The following DAB1 variants were observed in gnomAD, a reference collection of about 807,000 sequenced individuals.
DAB1 encodes DAB adaptor protein 1.
DAB1 carries 15 observed loss-of-function variants against 64.6 expected under a neutral mutation model. The ratio of observed to expected loss-of-function variants is 0.23; its 90% CI spans 0.16 to 0.36. The LOEUF (loss-of-function observed/expected upper bound fraction) is 0.36. DAB1 is among the 10% of genes least tolerant of loss of function. DAB1 has a pLI of 1.00. For missense variants in DAB1, 596 were observed against 706.7 expected (o/e 0.84, Z 1.78); for synonymous variants, 235 against 251.9 (o/e 0.93, Z 0.64).
intron 1 of DAB1, chr1:57,306,811 C>T (rs1489853071): frequency 1.3e-5 from 2 of 152,116 alleles, no homozygotes; most frequent in Admixed American, 6.5e-5. Flanking sequence ...ATTAATGATA[C>T]GACCATGGCA....
intron 6 of DAB1, among the ~76,000 whole-genome samples, chr1:57,818,664 C>T (rs954999417): frequency 1.3e-5 from 2 of 151,624 alleles, no homozygotes; most frequent in African/African-American, 4.8e-5. Flanking sequence ...GCAGGTGAAA[C>T]GGAAGTTGCC....
intron 6 of DAB1, among the ~76,000 whole-genome samples, chr1:57,691,971 C>CG (rs1646770030): frequency 6.6e-6 from 1 of 152,034 alleles, no homozygotes; most frequent in South Asian, 2.1e-4. Context: ...CTCTAACAAC[C>CG]CCCAACTCTT....
intron 4 of DAB1, among the ~76,000 whole-genome samples, chr1:58,187,154 T>C (rs1657123600): frequency 6.6e-6 from 1 of 152,088 alleles, no homozygotes; most frequent in South Asian, 2.1e-4. Context: ...TGATGAAAGA[T>C]TAATCCACTT....
chr1:57,231,359 GTTAC>G (rs1378001603), intron 2 of DAB1, among the ~76,000 whole-genome samples: 1 of 152,110 alleles, frequency 6.6e-6, no homozygotes, highest in Non-Finnish European at 1.5e-5. Flanking sequence ...ATACTGTATT[GTTAC>G]TTACTGGTTT....
intron 5 of DAB1, among the ~76,000 whole-genome samples, chr1:58,140,371 G>T (rs572011119): frequency 6.6e-6 from 1 of 152,178 alleles, no homozygotes; most frequent in Non-Finnish European, 1.5e-5. Flanking sequence ...TGCTTGGCAA[G>T]TGCTGGCATT....
At chr1:57,618,784 A>G (rs993524615) in intron 7 of DAB1, among the ~76,000 whole-genome samples, 2 of 152,136 alleles carry the variant, frequency 1.3e-5, no homozygotes, top group Admixed American at 6.5e-5. Flanking sequence ...ACACATGTAT[A>G]TATGTGTGAG....
chr1:57,780,634 G>C (rs867870763), intron 6 of DAB1, among the ~76,000 whole-genome samples: 4 of 152,034 alleles, frequency 2.6e-5, no homozygotes, highest in Middle Eastern at 3.4e-3. Flanking sequence ...TCAATATTTT[G>C]AAAAGTAGGA....
chr1:57,232,465 G>A (rs1557989303), intron 2 of DAB1, among the ~76,000 whole-genome samples: 1 of 151,762 alleles, frequency 6.6e-6, no homozygotes, highest in Admixed American at 6.6e-5. Flanking sequence ...GCTAGACAAC[G>A]GGAATACAAA....
chr1:57,402,215 GT>G (rs1460386880), intron 1 of DAB1, among the ~76,000 whole-genome samples: 1 of 152,098 alleles, frequency 6.6e-6, no homozygotes, highest in East Asian at 1.9e-4. Context: ...ATGCTGGAGA[GT>G]TTAAAAAAAT....
rs568256317 is a variant in DAB1 at position 58,491,043 on chromosome 1, G to A, written n.257+15017C>T. On this transcript the variant is annotated intron_variant and non_coding_transcript_variant, in intron 3 of 20. Coordinates refer to the DAB1 transcript ENST00000485760. ...AGGATGGTCTCAATCTCCTGACCTCGTGATCCACCCACCACAGCCTCCCAA... is the reference window on the plus strand; with the variant it reads ...AGGATGGTCTCAATCTCCTGACCTCATGATCCACCCACCACAGCCTCCCAA... Among the ~76,000 whole-genome samples, 5 of 151,764 alleles carry A rather than the reference G, an allele frequency of 3.3e-5. 1 individual carries two copies. In the South Asian group the frequency reaches 1.0e-3, roughly 32 times the overall value.
chr1:58,025,014 A>C (rs960517993), intron 5 of DAB1, among the ~76,000 whole-genome samples: 1 of 151,800 alleles, frequency 6.6e-6, no homozygotes, highest in Non-Finnish European at 1.5e-5. Context: ...TCTACCATCT[A>C]TCTCTCCACC....
intron 7 of DAB1, among the ~76,000 whole-genome samples, chr1:57,485,003 A>G (rs924205190): frequency 6.6e-6 from 1 of 152,190 alleles, no homozygotes; most frequent in Middle Eastern, 3.2e-3. Flanking sequence ...ACTGACTCTC[A>G]CAAATTGTGT....
At chr1:57,875,713 A>T (rs1644033480) in intron 1 of DAB1, among the ~76,000 whole-genome samples, 1 of 152,218 alleles carries the variant, frequency 6.6e-6, no homozygotes, top group Non-Finnish European at 1.5e-5. Context: ...AAATGAATGA[A>T]CTGCATTTCA....
intron 5 of DAB1, among the ~76,000 whole-genome samples, chr1:58,015,490 A>G (rs1365921139): frequency 6.6e-6 from 1 of 152,112 alleles, no homozygotes; most frequent in Non-Finnish European, 1.5e-5. Flanking sequence ...CGAGATAAAC[A>G]TATTGTCTAG....
chr1:57,390,205 G>A (rs1179919578), intron 1 of DAB1, among the ~76,000 whole-genome samples: 2 of 151,626 alleles, frequency 1.3e-5, no homozygotes, highest in Non-Finnish European at 2.9e-5. Flanking sequence ...TCCAGAAGTT[G>A]ATCAGGATGA....
intron 5 of DAB1, among the ~76,000 whole-genome samples, chr1:58,095,688 G>A (rs576796662): frequency 3.9e-5 from 6 of 152,294 alleles, no homozygotes; most frequent in East Asian, 1.9e-4. Flanking sequence ...CCCCGGACAT[G>A]CATTGCTGTG....
intron 4 of DAB1, among the ~76,000 whole-genome samples, chr1:58,181,366 T>C (rs1363713900): frequency 2.0e-5 from 3 of 152,138 alleles, no homozygotes; most frequent in South Asian, 4.1e-4. Flanking sequence ...ATACAGCATA[T>C]AGTAGGATCT....
intron 7 of DAB1, among the ~76,000 whole-genome samples, chr1:57,603,926 C>T (rs1055873295): frequency 6.6e-5 from 10 of 152,204 alleles, no homozygotes; most frequent in Non-Finnish European, 1.2e-4. Context: ...TAAACCCGAC[C>T]GTTACCACAC....
At chr1:57,474,016 T>C (rs1220592799) in intron 7 of DAB1, among the ~76,000 whole-genome samples, 1 of 152,150 alleles carries the variant, frequency 6.6e-6, no homozygotes, top group Non-Finnish European at 1.5e-5. Context: ...GATTTCAGGA[T>C]TTAGGGGAAA....
Sources: allele counts gnomAD v4.1 joint callset (sites outside exome capture counted in the v4.1 genomes callset), GRCh38; gene constraint gnomAD v4.1.1; transcripts MANE v1.5; gene names NCBI Gene and HGNC (gene_info 2026-07-23, HGNC 2026-07-21).